Variants in TMEM177 observed in about 807,000 individuals in gnomAD.
TMEM177 encodes transmembrane protein 177.
TMEM177 carries 4 observed loss-of-function variants against 14.2 expected under a neutral mutation model. The observed-to-expected ratio is 0.28, with a 90% CI of 0.14 to 0.64. The LOEUF is 0.64. TMEM177 is among the 30% of genes least tolerant of loss of function. TMEM177 has a pLI of 0.82. For synonymous variants in TMEM177, 179 were observed against 174.5 expected (o/e 1.03, Z -0.20); for missense variants, 344 against 405.2 (o/e 0.85, Z 1.30).
chr2:119,705,630 G>GTGTGTGTA, the TMEM177 span, among the ~76,000 whole-genome samples: 1 of 151,150 alleles, frequency 6.6e-6, no homozygotes, highest in Admixed American at 6.6e-5. Flanking sequence ...GTGTGTGTGT[G>GTGTGTGTA]TGTGTGTGTG....
chr2:119,718,283 T>C, the TMEM177 span, among the ~76,000 whole-genome samples: 1 of 152,148 alleles, frequency 6.6e-6, no homozygotes, highest in African/African-American at 2.4e-5. Context: ...ATTACGCTCA[T>C]GTATATTTTA....
downstream of TMEM177, among the ~76,000 whole-genome samples, chr2:119,684,880 A>G (rs1457509793): frequency 6.6e-6 from 1 of 152,190 alleles, no homozygotes; most frequent in East Asian, 1.9e-4. Context: ...GCGTCCCTAC[A>G]CACAGGTCAG....
the TMEM177 span, among the ~76,000 whole-genome samples, chr2:119,702,654 T>C: frequency 4.6e-5 from 7 of 152,314 alleles, no homozygotes; most frequent in African/African-American, 1.7e-4. Context: ...ACTTTTCTTA[T>C]TCACCTGAGT....
chr2:119,697,157 A>T, the TMEM177 span, among the ~76,000 whole-genome samples: 1 of 152,212 alleles, frequency 6.6e-6, no homozygotes, highest in Non-Finnish European at 1.5e-5. Context: ...CCTTGAATTG[A>T]ACCACAACAA....
At chr2:119,711,977 G>A in the TMEM177 span, among the ~76,000 whole-genome samples, 2 of 152,056 alleles carry the variant, frequency 1.3e-5, no homozygotes, top group East Asian at 3.9e-4. Context: ...TGGCAGCTCC[G>A]GCAGCAGAAT....
At chr2:119,688,603 T>G (rs930154372), downstream of TMEM177, among the ~76,000 whole-genome samples, 2 of 152,214 alleles carry the variant, frequency 1.3e-5, no homozygotes, top group Admixed American at 1.3e-4. Flanking sequence ...ACAGTAGTAT[T>G]AATCTCATGG....
downstream of TMEM177, among the ~76,000 whole-genome samples, chr2:119,683,746 C>T (rs1410984273): frequency 2.6e-5 from 4 of 152,212 alleles, no homozygotes. Context: ...CGCACACATC[C>T]TCCAGCCGTG....
the TMEM177 span, among the ~76,000 whole-genome samples, chr2:119,720,969 T>C: frequency 6.6e-6 from 1 of 152,194 alleles, no homozygotes; most frequent in Non-Finnish European, 1.5e-5. Flanking sequence ...TCCATAACCT[T>C]CAGGTTTGTC....
Position 119,681,766 on chromosome 2 carries a change from A to G in TMEM177, c.913A>G (p.Met305Val), listed in dbSNP as rs1688913303. Reference sequence around the variant, plus strand: ...CTCTGTGCTGCAGATGTGGAGGGGGATGCTCAATCCGGGCCGCTCCTGATG... The same window carrying G: ...CTCTGTGCTGCAGATGTGGAGGGGGGTGCTCAATCCGGGCCGCTCCTGATG... ...RDSVLQMWRG[M>V]LNPGRS The change falls in exon 2 of 2, where the codon ATG (methionine) becomes GTG (valine). Residue 305 changes from methionine (M) to valine (V), a missense_variant. Physicochemically the swap from Met to Val is conservative, Grantham distance 21 (BLOSUM62 1). Coordinates refer to ENST00000272521, the MANE Select transcript of TMEM177 (RefSeq NM_030577.3). The G allele has an allele frequency of 6.2e-7, 1 of 1,613,642 alleles. No individual in the cohort carries two copies. Among genetic ancestry groups the G allele is most frequent in the African/African-American group, 1.3e-5 (1 of 74,890 alleles).
At chr2:119,710,296 G>A in the TMEM177 span, among the ~76,000 whole-genome samples, 1 of 152,216 alleles carries the variant, frequency 6.6e-6, no homozygotes, top group African/African-American at 2.4e-5. Context: ...TAGGAGCAGT[G>A]TATTGGGCAG....
At chr2:119,704,149 C>T in the TMEM177 span, among the ~76,000 whole-genome samples, 1 of 152,196 alleles carries the variant, frequency 6.6e-6, no homozygotes, top group Non-Finnish European at 1.5e-5. Context: ...ATTTAGAAAG[C>T]ATTTGAAAGC....
At chr2:119,718,343 C>T in the TMEM177 span, among the ~76,000 whole-genome samples, 3 of 152,188 alleles carry the variant, frequency 2.0e-5, no homozygotes, top group African/African-American at 7.2e-5. Flanking sequence ...CCGTGAACAT[C>T]CCATCCTCAC....
the TMEM177 span, among the ~76,000 whole-genome samples, chr2:119,692,862 C>T: frequency 1.3e-5 from 2 of 149,330 alleles, no homozygotes; most frequent in Non-Finnish European, 3.0e-5. Context: ...ATCCCAGCTA[C>T]TCTGAAGGCT....
At chr2:119,680,273 T>G (rs1385969519) in intron 1 of TMEM177, among the ~76,000 whole-genome samples, 1 of 152,208 alleles carries the variant, frequency 6.6e-6, no homozygotes, top group African/African-American at 2.4e-5. Flanking sequence ...CATAACACTG[T>G]CACTTCACTA....
chr2:119,701,724 C>T, the TMEM177 span, among the ~76,000 whole-genome samples: 7 of 152,156 alleles, frequency 4.6e-5, no homozygotes, highest in African/African-American at 1.7e-4. Flanking sequence ...GGCGGGAGAC[C>T]GGGAGTTTTA....
At chr2:119,698,424 A>G in the TMEM177 span, among the ~76,000 whole-genome samples, 1 of 152,132 alleles carries the variant, frequency 6.6e-6, no homozygotes, top group African/African-American at 2.4e-5. Context: ...GAAGCACCAT[A>G]CTTTGAGGTA....
the TMEM177 span, among the ~76,000 whole-genome samples, chr2:119,722,831 G>C: frequency 6.6e-6 from 1 of 152,216 alleles, no homozygotes; most frequent in Non-Finnish European, 1.5e-5. Context: ...CTTATTAAAG[G>C]AATAAGGCAA....
downstream of TMEM177, among the ~76,000 whole-genome samples, chr2:119,682,835 A>G (rs1688938774): frequency 6.6e-6 from 1 of 151,844 alleles, no homozygotes; most frequent in Admixed American, 6.6e-5. Context: ...CAGCAAGGAG[A>G]GCAGAGGGGT....
chr2:119,679,953 A>G (rs977989041), intron 1 of TMEM177, among the ~76,000 whole-genome samples: 1 of 152,094 alleles, frequency 6.6e-6, no homozygotes, highest in African/African-American at 2.4e-5. Context: ...GTCCTCTGGG[A>G]GTTATGGAGG....
Sources: gnomAD v4.1 joint callset for allele counts (sites outside exome capture counted in the v4.1 genomes callset) on GRCh38, gnomAD v4.1.1 for gene constraint, MANE v1.5 for transcripts, NCBI Gene and HGNC (gene_info 2026-07-23, HGNC 2026-07-21) for gene names.